The following KLF8 variants were observed in gnomAD, a reference collection of about 807,000 sequenced individuals.
KLF8 encodes the protein Krueppel-like factor 8.
In KLF8, 10 loss-of-function variants were observed where a neutral mutation model predicts 18.2. That is an observed-to-expected ratio of 0.55 (90% CI 0.34 to 0.93). KLF8 has a LOEUF of 0.93. Ranked by LOEUF, KLF8 falls within the 40% of genes least tolerant of loss-of-function variation. The pLI, the probability that KLF8 is intolerant of heterozygous loss-of-function variation, is 0.02. For missense variants in KLF8, 264 were observed against 277.9 expected (o/e 0.95, Z 0.36); for synonymous variants, 109 against 97.3 (o/e 1.12, Z -0.71).
At chrX:56,250,138 G>A in intron 1 of KLF8, 93 bp from the exon 2 acceptor site, 1 of 609,024 alleles carries the variant, frequency 1.6e-6, no homozygotes, top group Non-Finnish European at 2.7e-6. Flanking sequence ...AAAGATAAAG[G>A]TCATAGAACA....
intron 1 of KLF8, among the ~76,000 whole-genome samples, chrX:56,239,209 G>A (rs967120971): frequency 7.2e-5 from 8 of 111,252 alleles, no homozygotes; most frequent in Non-Finnish European, 1.1e-4. Flanking sequence ...CTCATCACAC[G>A]GACCTGGGAT....
At chrX:55,921,178 G>GA in the KLF8 span, among the ~76,000 whole-genome samples, 1 of 112,138 alleles carries the variant, frequency 8.9e-6, no homozygotes, top group East Asian at 2.8e-4. Flanking sequence ...AAATTTATAA[G>GA]AAAAAATCCC....
At chrX:56,129,702 C>A in the KLF8 span, among the ~76,000 whole-genome samples, 1 of 110,220 alleles carries the variant, frequency 9.1e-6, no homozygotes, top group African/African-American at 3.4e-5. Context: ...AAATCCAGTG[C>A]GCAGACTCAA....
chrX:56,048,482 A>G, the KLF8 span, among the ~76,000 whole-genome samples: 112 of 112,099 alleles, frequency 1.0e-3, no homozygotes, highest in Non-Finnish European at 1.6e-3. Flanking sequence ...AGCTTTCTAC[A>G]TATGGCTAGC....
At chrX:56,139,119 A>G in the KLF8 span, among the ~76,000 whole-genome samples, 122 of 111,838 alleles carry the variant, frequency 1.1e-3, no homozygotes, top group Non-Finnish European at 1.9e-3. Context: ...TTTTGTACAA[A>G]GAAAATTACA....
chrX:56,256,971 G>A (rs1024791747), intron 2 of KLF8, among the ~76,000 whole-genome samples: 3 of 111,974 alleles, frequency 2.7e-5, no homozygotes, highest in African/African-American at 9.7e-5. Context: ...CCAAAGTGCT[G>A]GGATTACAGG....
intron 3 of KLF8, chrX:56,266,331 G>C (rs2066972066): frequency 1.3e-6 from 1 of 748,704 alleles, no homozygotes; most frequent in Non-Finnish European, 1.6e-6. Flanking sequence ...TTCCTCATTT[G>C]GCATCTATCA....
intron 1 of KLF8, among the ~76,000 whole-genome samples, chrX:56,242,335 C>T (rs1428984927): frequency 3.6e-5 from 4 of 112,185 alleles, no homozygotes; most frequent in Non-Finnish European, 7.5e-5. Flanking sequence ...AAAAATCATA[C>T]ATAAGTTTGT....
At chrX:56,066,814 G>T in the KLF8 span, among the ~76,000 whole-genome samples, 5 of 110,813 alleles carry the variant, frequency 4.5e-5, no homozygotes, top group East Asian at 2.9e-4. Context: ...GACTCAGGAG[G>T]TGTTTGGGAC....
the KLF8 span, among the ~76,000 whole-genome samples, chrX:56,190,182 A>G: frequency 3.6e-5 from 4 of 111,578 alleles, no homozygotes; most frequent in South Asian, 1.5e-3. Flanking sequence ...ACCAGTAGCT[A>G]TACTTTTATC....
the KLF8 span, among the ~76,000 whole-genome samples, chrX:55,979,374 G>A: frequency 1.8e-5 from 2 of 111,494 alleles, no homozygotes. Context: ...TTCTCAGAAC[G>A]AGAAAAGTAA....
chrX:56,060,204 C>T, the KLF8 span, among the ~76,000 whole-genome samples: 11 of 111,633 alleles, frequency 9.9e-5, no homozygotes, highest in Non-Finnish European at 1.5e-4. Flanking sequence ...TTGCCCTGGC[C>T]GGAACTTTCA....
the KLF8 span, among the ~76,000 whole-genome samples, chrX:56,079,584 G>A: frequency 1.9e-3 from 207 of 111,582 alleles, 2 homozygotes; most frequent in African/African-American, 6.5e-3. Context: ...TTTTGGAATA[G>A]GTGTGGTGTG....
At chrX:55,995,120 G>A in the KLF8 span, among the ~76,000 whole-genome samples, 1 of 111,951 alleles carries the variant, frequency 8.9e-6, no homozygotes, top group Non-Finnish European at 1.9e-5. Flanking sequence ...GGATAGTTAG[G>A]TCTTGTTGAA....
chrX:56,254,644 G>C (rs1260718480), intron 2 of KLF8, among the ~76,000 whole-genome samples: 1 of 110,771 alleles, frequency 9.0e-6, no homozygotes, highest in Non-Finnish European at 1.9e-5. Flanking sequence ...AGTGGGAGGG[G>C]GAGCTGAAAA....
intron 3 of KLF8, chrX:56,266,530 C>T: frequency 1.3e-6 from 1 of 748,108 alleles, no homozygotes; most frequent in Non-Finnish European, 1.6e-6. Context: ...GAAAATTTGT[C>T]CAAGAGAGAA....
At chrX:56,247,708 C>T (rs1479463176) in intron 1 of KLF8, among the ~76,000 whole-genome samples, 2 of 110,590 alleles carry the variant, frequency 1.8e-5, no homozygotes, top group African/African-American at 6.6e-5. Context: ...TACCTTATAT[C>T]TTGTCCCACT....
At chrX:56,092,779 C>T in the KLF8 span, among the ~76,000 whole-genome samples, 2 of 107,701 alleles carry the variant, frequency 1.9e-5, no homozygotes, top group African/African-American at 6.7e-5. Context: ...ATTCAAAGGG[C>T]TCTAATGGAA....
At chrX:56,189,455 A>C in the KLF8 span, among the ~76,000 whole-genome samples, 1 of 111,496 alleles carries the variant, frequency 9.0e-6, no homozygotes, top group African/African-American at 3.3e-5. Flanking sequence ...TGTGGAAGTC[A>C]TTGTGGCAAT....
Sources: gnomAD v4.1 joint callset for allele counts (sites outside exome capture counted in the v4.1 genomes callset) on GRCh38, gnomAD v4.1.1 for gene constraint, MANE v1.5 for transcripts, NCBI Gene and HGNC (gene_info 2026-07-23, HGNC 2026-07-21) for gene names.